WDR43: variants seen among roughly 807,000 people sequenced by gnomAD.
WDR43 encodes WD repeat-containing protein 43.
In WDR43, 13 loss-of-function variants were observed where a neutral mutation model predicts 91.4. That is an observed-to-expected ratio of 0.14 (90% CI 0.09 to 0.23). WDR43 has a LOEUF of 0.23. Among genes scored for constraint, WDR43 ranks in the 10% least tolerant of loss-of-function variants. The probability of loss-of-function intolerance (pLI) is 1.00; values close to 1 mark genes in which losing one functional copy is unlikely to be tolerated. For missense variants in WDR43, 780 were observed against 809.4 expected (o/e 0.96, Z 0.44); for synonymous variants, 331 against 287.9 (o/e 1.15, Z -1.51).
At chr2:28,923,956 G>A (rs1185456843) in intron 7 of WDR43, among the ~76,000 whole-genome samples, 1 of 152,070 alleles carries the variant, frequency 6.6e-6, no homozygotes, top group Non-Finnish European at 1.5e-5. Context: ...GACTATAGAG[G>A]GTGAAAGGCT....
chr2:28,912,947 ATTTTTTTT>A (rs35646381), intron 4 of WDR43, among the ~76,000 whole-genome samples: 1 of 100,960 alleles, frequency 9.9e-6, no homozygotes, highest in Non-Finnish European at 1.9e-5. Context: ...AAGAAACAAG[ATTTTTTTT>A]TTTTTTTTTT....
chr2:28,944,438 G>A (rs1185931882), intron 16 of WDR43, among the ~76,000 whole-genome samples: 2 of 152,278 alleles, frequency 1.3e-5, no homozygotes, highest in Non-Finnish European at 2.9e-5. Flanking sequence ...TTTTAAGAAT[G>A]TGAAAGCATT....
chr2:28,945,192 T>C (rs62130260), intron 16 of WDR43, among the ~76,000 whole-genome samples: 3,979 of 152,244 alleles, frequency 0.026, 68 homozygotes, highest in Middle Eastern at 0.048. Flanking sequence ...AATGATTTAT[T>C]TTCTTAAGAA....
At chr2:28,903,370 T>A (rs893927732) in intron 2 of WDR43, among the ~76,000 whole-genome samples, 1 of 152,220 alleles carries the variant, frequency 6.6e-6, no homozygotes, top group African/African-American at 2.4e-5. Context: ...CTTTCTGGAA[T>A]AATTTTTACT....
rs1671587194 is a variant in WDR43 at position 28,948,168 on chromosome 2, GC to G, written c.*1390del. The G allele has an allele frequency of 6.6e-6, 1 of 152,064 alleles. No homozygotes were observed. Among genetic ancestry groups the G allele is most frequent in the African/African-American group, 2.4e-5 (1 of 41,404 alleles). The allele number at this position is 152,064 out of a possible 1,614,324, so 9.4% of individuals were successfully genotyped here. On this transcript the variant is annotated 3_prime_UTR_variant, in exon 18 of 18. Coordinates refer to ENST00000407426, the MANE Select transcript of WDR43 (RefSeq NM_015131.3). ...TTGTCTATAAATGGAGCTGTTTATGGCAATTTAATACCATTCTCTTTGTAAA... is the reference window on the plus strand; with the variant it reads ...TTGTCTATAAATGGAGCTGTTTATGGAATTTAATACCATTCTCTTTGTAAA...
intron 2 of WDR43, 120 bp from the exon 3 acceptor site, chr2:28,906,340 G>A: frequency 1.0e-6 from 1 of 974,256 alleles, no homozygotes; most frequent in African/African-American, 1.7e-5. Context: ...TCCACGTGTG[G>A]GCCAGGAGCA....
At chr2:28,944,034 C>T (rs1671495427) in intron 16 of WDR43, among the ~76,000 whole-genome samples, 1 of 152,152 alleles carries the variant, frequency 6.6e-6, no homozygotes, top group Non-Finnish European at 1.5e-5. Context: ...AACAGAGGAC[C>T]TGTGGGGATG....
At chr2:28,913,695 C>G in intron 4 of WDR43, 1 of 524,400 alleles carries the variant, frequency 1.9e-6, no homozygotes, top group South Asian at 1.4e-5. Context: ...ATTGTGGTTT[C>G]GACTCACTGA....
In WDR43 at chr2:28,948,092, A is replaced by G. The variant is rs1048581339; in HGVS notation, c.*1313A>G. The G allele has an allele frequency of 2.0e-5, 3 of 152,184 alleles. No homozygotes were observed. Among genetic ancestry groups the G allele is most frequent in the African/African-American group, 7.2e-5 (3 of 41,440 alleles). The allele number at this position is 152,184 out of a possible 1,614,324, so 9.4% of individuals were successfully genotyped here. Reference sequence around the variant, plus strand: ...TCTTAAGAGCCAGAGCCATATAAGCATCTTGGGAAAGCAAGTTTGAACCAG... The same window carrying G: ...TCTTAAGAGCCAGAGCCATATAAGCGTCTTGGGAAAGCAAGTTTGAACCAG... On this transcript the variant is annotated 3_prime_UTR_variant, in exon 18 of 18. Coordinates refer to ENST00000407426, the MANE Select transcript of WDR43 (RefSeq NM_015131.3).
At chr2:28,918,562 T>G (rs546385845) in intron 6 of WDR43, among the ~76,000 whole-genome samples, 41 of 151,966 alleles carry the variant, frequency 2.7e-4, no homozygotes, top group African/African-American at 9.4e-4. Context: ...AGAGATGGGG[T>G]TTCTCCATTT....
At chr2:28,912,549 T>G (rs1293910442) in intron 3 of WDR43, 41 bp from the exon 4 acceptor site, 1 of 1,587,672 alleles carries the variant, frequency 6.3e-7, no homozygotes, top group South Asian at 1.1e-5. Context: ...TAAAGTTTTC[T>G]CTCATGTATT....
At chr2:28,907,885 CAG>C (rs1026987216) in intron 3 of WDR43, among the ~76,000 whole-genome samples, 3 of 135,808 alleles carry the variant, frequency 2.2e-5, no homozygotes, top group African/African-American at 8.0e-5. Flanking sequence ...GCCTGGGCGA[CAG>C]AGCGAGACTC....
At chr2:28,896,286 C>T (rs1232726211) in intron 1 of WDR43, among the ~76,000 whole-genome samples, 2 of 152,106 alleles carry the variant, frequency 1.3e-5, no homozygotes, top group Non-Finnish European at 1.5e-5. Context: ...ATTCTAGCCT[C>T]TGCTTCATAG....
intron 6 of WDR43, among the ~76,000 whole-genome samples, chr2:28,919,879 C>T (rs1193670771): frequency 2.6e-5 from 4 of 152,000 alleles, no homozygotes; most frequent in East Asian, 1.9e-4. Context: ...GAGTCTCTGT[C>T]GCCCAGGCTG....
chr2:28,905,207 C>G (rs936820108), intron 2 of WDR43, among the ~76,000 whole-genome samples: 1 of 152,078 alleles, frequency 6.6e-6, no homozygotes, highest in South Asian at 2.1e-4. Context: ...GAGGGGCATA[C>G]TAGGGGATAA....
At chr2:28,896,019 T>G (rs1670474075) in intron 1 of WDR43, among the ~76,000 whole-genome samples, 1 of 152,228 alleles carries the variant, frequency 6.6e-6, no homozygotes, top group South Asian at 2.1e-4. Context: ...TTTCAAATTT[T>G]AAGCTACATT....
At chr2:28,928,003 G>T in intron 10 of WDR43, 1 of 244,316 alleles carries the variant, frequency 4.1e-6, no homozygotes, top group Admixed American at 5.3e-5. Context: ...GACTATCATT[G>T]GGTTTCGCAT....
At chr2:28,939,528 C>T (rs1352503159) in intron 14 of WDR43, among the ~76,000 whole-genome samples, 1 of 152,160 alleles carries the variant, frequency 6.6e-6, no homozygotes, top group East Asian at 1.9e-4. Flanking sequence ...TCGCTCTTTT[C>T]CTTCATTTCT....
chr2:28,930,266 G>A (rs1335175470), intron 11 of WDR43: 1 of 347,610 alleles, frequency 2.9e-6, no homozygotes, highest in African/African-American at 2.2e-5. Context: ...GTGTAAGTTG[G>A]TGACTGCTTG....
Sources: gnomAD v4.1 joint callset for allele counts (sites outside exome capture counted in the v4.1 genomes callset) on GRCh38, gnomAD v4.1.1 for gene constraint, MANE v1.5 for transcripts, NCBI Gene and HGNC (gene_info 2026-07-23, HGNC 2026-07-21) for gene names.